GNAL: variants seen among roughly 807,000 people sequenced by gnomAD.
GNAL encodes the protein guanine nucleotide-binding protein G(olf) subunit alpha.
In GNAL, 18 loss-of-function variants were observed where a neutral mutation model predicts 55.1. That is an observed-to-expected ratio of 0.33 (90% CI 0.23 to 0.48). The LOEUF (loss-of-function observed/expected upper bound fraction) is 0.48, where lower values mean the gene tolerates loss of function less well. GNAL is among the 20% of genes least tolerant of loss of function. The pLI is 0.99. For missense variants in GNAL, 412 were observed against 614.1 expected (o/e 0.67, Z 3.48); for synonymous variants, 253 against 237.0 (o/e 1.07, Z -0.62).
At chr18:11,700,179 C>A (rs1478266438) in intron 1 of GNAL, among the ~76,000 whole-genome samples, 1 of 152,128 alleles carries the variant, frequency 6.6e-6, no homozygotes, top group Non-Finnish European at 1.5e-5. Flanking sequence ...CGTTTAGGGG[C>A]CATAAGCTGA....
rs72868665 is a variant in GNAL, at chr18:11,845,458, T to C, written c.723-16937T>C. 2.2e-3 allele frequency among the ~76,000 whole-genome samples: 333 copies of C among 151,888 alleles called. 2 individuals are homozygous for C. The highest frequency in any genetic ancestry group is 4.4e-3 in the South Asian group (21 of 4,806). ...GAAAATAAAAAAAAAAGTAGCATAA[T>C]AAAGACTGCTAACAAATAATAAGAA... On this transcript the variant is annotated intron_variant, in intron 5 of 11. Transcript: ENST00000334049.
chr18:11,813,947 G>A (rs917384639), intron 4 of GNAL, among the ~76,000 whole-genome samples: 1 of 152,146 alleles, frequency 6.6e-6, no homozygotes, highest in Non-Finnish European at 1.5e-5. Context: ...CAAGGAGAAA[G>A]GATAGTCTTT....
intron 10 of GNAL, 136 bp from the exon 11 acceptor site, chr18:11,876,485 G>T: frequency 1.5e-6 from 1 of 654,944 alleles, no homozygotes; most frequent in Non-Finnish European, 2.8e-6. Flanking sequence ...GTACATGTTT[G>T]TTTTTGCCTT....
chr18:11,796,682 G>A (rs1265452982), intron 4 of GNAL, among the ~76,000 whole-genome samples: 2 of 151,010 alleles, frequency 1.3e-5, no homozygotes, highest in Non-Finnish European at 2.9e-5. Flanking sequence ...CATAGAAACA[G>A]GTATAACCAT....
intron 5 of GNAL, among the ~76,000 whole-genome samples, chr18:11,856,550 G>A (rs2036011773): frequency 6.6e-6 from 1 of 151,406 alleles, no homozygotes; most frequent in South Asian, 2.1e-4. Context: ...ACAATGAAAT[G>A]TTTGCCTCTG....
At chr18:11,820,279 G>A (rs2143622633) in intron 4 of GNAL, among the ~76,000 whole-genome samples, 1 of 152,264 alleles carries the variant, frequency 6.6e-6, no homozygotes, top group Non-Finnish European at 1.5e-5. Flanking sequence ...CAATATGCCA[G>A]TGTCACATAA....
chr18:11,844,969 G>A (rs2035699115), intron 5 of GNAL, among the ~76,000 whole-genome samples: 2 of 152,000 alleles, frequency 1.3e-5, no homozygotes, highest in South Asian at 2.1e-4. Context: ...GGGTTCAAGC[G>A]GTTCTCCTGC....
intron 10 of GNAL, among the ~76,000 whole-genome samples, chr18:11,873,303 A>G (rs1176624015): frequency 6.6e-6 from 1 of 152,150 alleles, no homozygotes; most frequent in Non-Finnish European, 1.5e-5. Flanking sequence ...TTTGCTCCTT[A>G]TGTTCAATGT....
chr18:11,864,652 C>T (rs1462190533), intron 7 of GNAL, 46 bp downstream of exon 7: 1 of 1,020,394 alleles, frequency 9.8e-7, no homozygotes, highest in Non-Finnish European at 1.6e-6. Flanking sequence ...CACATGATGT[C>T]CCAGAGCCGA....
intron 9 of GNAL, 42 bp from the exon 10 acceptor site, chr18:11,872,226 C>G: frequency 2.9e-6 from 4 of 1,365,702 alleles, no homozygotes; most frequent in Non-Finnish European, 4.1e-6. Flanking sequence ...CTTTCATGTA[C>G]TAGTGTATGT....
intron 1 of GNAL, among the ~76,000 whole-genome samples, chr18:11,710,977 A>G (rs2031824507): frequency 6.6e-6 from 1 of 151,916 alleles, no homozygotes; most frequent in Non-Finnish European, 1.5e-5. Context: ...CCGGGTTCAC[A>G]CCATTCTCCT....
chr18:11,794,759 TAAAAAAA>T (rs775143875), intron 4 of GNAL, among the ~76,000 whole-genome samples: 3 of 90,376 alleles, frequency 3.3e-5, no homozygotes, highest in East Asian at 3.2e-4. Context: ...ACACACAGGT[TAAAAAAA>T]AAAAAAAAAA....
chr18:11,779,557 C>G (rs2033873913), intron 4 of GNAL, among the ~76,000 whole-genome samples: 1 of 152,188 alleles, frequency 6.6e-6, no homozygotes, highest in Non-Finnish European at 1.5e-5. Flanking sequence ...TCACTCTGAC[C>G]TAGCTCCAAG....
intron 1 of GNAL, among the ~76,000 whole-genome samples, chr18:11,718,179 A>T (rs2032018447): frequency 6.6e-6 from 1 of 152,230 alleles, no homozygotes; most frequent in Non-Finnish European, 1.5e-5. Flanking sequence ...ACAGGGGAAA[A>T]TTTGAAAAGT....
chr18:11,708,811 CTCA>C (rs1433997840), intron 1 of GNAL, among the ~76,000 whole-genome samples: 1 of 152,178 alleles, frequency 6.6e-6, no homozygotes, highest in Non-Finnish European at 1.5e-5. Flanking sequence ...TTGATGTCAT[CTCA>C]CTTGCCAATT....
intron 6 of GNAL, among the ~76,000 whole-genome samples, chr18:11,863,624 TA>T (rs2036196575): frequency 6.6e-6 from 1 of 152,098 alleles, no homozygotes; most frequent in African/African-American, 2.4e-5. Context: ...GCTGCTTCCT[TA>T]AAATCACATG....
intron 4 of GNAL, among the ~76,000 whole-genome samples, chr18:11,762,294 G>A (rs549546407): frequency 1.3e-5 from 2 of 152,252 alleles, no homozygotes; most frequent in East Asian, 1.9e-4. Flanking sequence ...TGGAGGTCCC[G>A]AAGCTCTTCT....
At chr18:11,836,299 A>C (rs891410066) in intron 5 of GNAL, among the ~76,000 whole-genome samples, 5 of 151,996 alleles carry the variant, frequency 3.3e-5, no homozygotes, top group Non-Finnish European at 5.9e-5. Context: ...ATACAAAATT[A>C]GCTGGGCATG....
At chr18:11,851,417 A>T in intron 5 of GNAL, 1 of 1,404,748 alleles carries the variant, frequency 7.1e-7, no homozygotes, top group Non-Finnish European at 9.3e-7. Context: ...TGGGACCAAA[A>T]CAAAGGAGCG....
Sources: gnomAD v4.1 joint callset for allele counts (sites outside exome capture counted in the v4.1 genomes callset) on GRCh38, gnomAD v4.1.1 for gene constraint, MANE v1.5 for transcripts, NCBI Gene and HGNC (gene_info 2026-07-23, HGNC 2026-07-21) for gene names.